DYRK1A: variants seen among roughly 807,000 people sequenced by gnomAD.
DYRK1A encodes dual specificity tyrosine phosphorylation regulated kinase 1A.
A neutral mutation model predicts 79.7 loss-of-function variants in DYRK1A; 9 were observed. The observed-to-expected ratio is 0.11, with a 90% CI of 0.07 to 0.20. DYRK1A has a LOEUF of 0.20. DYRK1A is among the 10% of genes least tolerant of loss of function. The pLI, the probability that DYRK1A is intolerant of heterozygous loss-of-function variation, is 1.00. For missense variants in DYRK1A, 622 were observed against 956.0 expected (o/e 0.65, Z 4.61); for synonymous variants, 349 against 329.7 (o/e 1.06, Z -0.63).
At chr21:37,489,000 G>C in intron 6 of DYRK1A, 1 of 330,430 alleles carries the variant, frequency 3.0e-6, no homozygotes, top group Non-Finnish European at 4.3e-6. Flanking sequence ...CTCCTATATA[G>C]CCATGTAGTT....
intron 2 of DYRK1A, among the ~76,000 whole-genome samples, chr21:37,469,711 C>CT (rs1490557438): frequency 1.3e-5 from 2 of 152,154 alleles, no homozygotes; most frequent in Non-Finnish European, 2.9e-5. Context: ...CGTGAGAACT[C>CT]TTATCACGAG....
intron 1 of DYRK1A, chr21:37,418,812 G>A (rs140435739): frequency 2.0e-4 from 30 of 152,272 alleles, no homozygotes; most frequent in African/African-American, 5.3e-4. Flanking sequence ...AGTGTTTAAT[G>A]TAATACCGTA....
chr21:37,450,659 G>A (rs944233090), intron 2 of DYRK1A, among the ~76,000 whole-genome samples: 4 of 152,330 alleles, frequency 2.6e-5, no homozygotes, highest in Non-Finnish European at 4.4e-5. Flanking sequence ...GGGTTTAGGA[G>A]CTCGTGAGAG....
chr21:37,365,920 C>A (rs1054196505), upstream of DYRK1A: 1 of 152,178 alleles, frequency 6.6e-6, no homozygotes, highest in Non-Finnish European at 1.5e-5. Context: ...AGCCTAATTT[C>A]CCAACGCTGG....
intron 1 of DYRK1A, among the ~76,000 whole-genome samples, chr21:37,385,436 C>T (rs1243614274): frequency 6.6e-6 from 1 of 152,200 alleles, no homozygotes; most frequent in African/African-American, 2.4e-5. Flanking sequence ...CAAACATTTG[C>T]CATCAGTTTC....
At chr21:37,385,092 C>A (rs1329337348) in intron 1 of DYRK1A, among the ~76,000 whole-genome samples, 1 of 151,950 alleles carries the variant, frequency 6.6e-6, no homozygotes, top group Admixed American at 6.5e-5. Flanking sequence ...ATATATACAT[C>A]TACATGAAGT....
intron 2 of DYRK1A, among the ~76,000 whole-genome samples, chr21:37,466,638 A>G (rs993756002): frequency 1.3e-5 from 2 of 152,318 alleles, no homozygotes; most frequent in Admixed American, 6.5e-5. Flanking sequence ...AGATAAAGCA[A>G]AAAGCTTTAC....
rs1327559579 is a variant in DYRK1A, at chr21:37,524,266, CA to C, written c.*11740del. On this transcript the variant is annotated 3_prime_UTR_variant, in exon 12 of 12. Coordinates refer to ENST00000647188, the MANE Select transcript of DYRK1A (RefSeq NM_001347721.2). ...GGTATAGTGAGACCCCCCATCTCCA[CA>C]AAAAGTAAAAAAAAACCAAAATACA... The C allele has an allele frequency of 7.0e-6, 1 of 142,016 alleles. No homozygotes were observed. The highest frequency in any genetic ancestry group is 6.9e-5 in the Admixed American group (1 of 14,450). The allele number at this position is 142,016 out of a possible 1,614,324, so 8.8% of individuals were successfully genotyped here.
intron 7 of DYRK1A, among the ~76,000 whole-genome samples, chr21:37,490,868 G>A (rs529629401): frequency 2.6e-5 from 4 of 152,050 alleles, no homozygotes; most frequent in South Asian, 4.2e-4. Context: ...AATATTAGGG[G>A]ATTTGTAACT....
chr21:37,429,208 T>G lies in DYRK1A; in HGVS notation c.10+8824T>G, dbSNP rs543776607. ...TTGTTAACGCAAATCCAGGTCTGCTTTGTAGAAGGTTACCAAAGCTTAAAA... is the reference window on the plus strand; with the variant it reads ...TTGTTAACGCAAATCCAGGTCTGCTGTGTAGAAGGTTACCAAAGCTTAAAA... On this transcript the variant is annotated intron_variant, in intron 2 of 11. Transcript: ENST00000647188. Among the ~76,000 whole-genome samples, 4 of 152,322 alleles carry G rather than the reference T, an allele frequency of 2.6e-5. No homozygotes were observed. In the East Asian group the frequency reaches 7.7e-4, roughly 29 times the overall value.
chr21:37,376,345 C>T (rs1025301835), intron 1 of DYRK1A, among the ~76,000 whole-genome samples: 2 of 152,134 alleles, frequency 1.3e-5, no homozygotes, highest in Non-Finnish European at 2.9e-5. Flanking sequence ...CCCATCTCTA[C>T]TACAGATACA....
intron 6 of DYRK1A, among the ~76,000 whole-genome samples, chr21:37,489,968 T>C (rs1320769957): frequency 3.3e-5 from 5 of 152,148 alleles, no homozygotes; most frequent in Admixed American, 2.6e-4. Context: ...TACCGACATA[T>C]GCTGTACCTG....
intron 2 of DYRK1A, among the ~76,000 whole-genome samples, chr21:37,452,592 A>G (rs1258096998): frequency 6.6e-6 from 1 of 152,046 alleles, no homozygotes; most frequent in Non-Finnish European, 1.5e-5. Context: ...GCCACTGCCA[A>G]TCTATTTGAG....
intron 8 of DYRK1A, among the ~76,000 whole-genome samples, chr21:37,495,004 A>T (rs936726405): frequency 2.0e-5 from 3 of 151,712 alleles, no homozygotes; most frequent in Non-Finnish European, 4.4e-5. Flanking sequence ...TCCCACTATA[A>T]CATAAACTTC....
chr21:37,488,785 A>G (rs968087018), intron 6 of DYRK1A: 1 of 985,304 alleles, frequency 1.0e-6, no homozygotes, highest in Non-Finnish European at 1.2e-6. Flanking sequence ...GAATTCTGAC[A>G]GCAGTTACTT....
Position 37,367,173 on chromosome 21 carries a change from G to A in DYRK1A, c.-532G>A. 1 of 152,034 alleles carries A rather than the reference G, an allele frequency of 6.6e-6. No individual in the cohort carries two copies. The highest frequency in any genetic ancestry group is 1.5e-5 in the Non-Finnish European group (1 of 67,952). The allele number at this position is 152,034 out of a possible 1,614,324, so 9.4% of individuals were successfully genotyped here. On this transcript the variant is annotated 5_prime_UTR_variant, in exon 1 of 12. Transcript: ENST00000647188. ...TCTGTCTGTGCGGGGACTCGGGGGCGGGCGGTTCGGGCTCTCCTGGCGGAG... is the reference window on the plus strand; with the variant it reads ...TCTGTCTGTGCGGGGACTCGGGGGCAGGCGGTTCGGGCTCTCCTGGCGGAG...
intron 5 of DYRK1A, among the ~76,000 whole-genome samples, chr21:37,482,862 C>T (rs920084477): frequency 7.0e-4 from 106 of 152,284 alleles, no homozygotes; most frequent in African/African-American, 2.2e-3. Context: ...ATATTTCTCC[C>T]ATTTGCTTTT....
chr21:37,461,709 C>A (rs971963018), intron 2 of DYRK1A, among the ~76,000 whole-genome samples: 1 of 152,044 alleles, frequency 6.6e-6, no homozygotes, highest in Non-Finnish European at 1.5e-5. Context: ...TTTCTTCTGG[C>A]GGTGCACATG....
Position 37,438,486 on chromosome 21 carries a change from A to G in DYRK1A, c.10+18102A>G, listed in dbSNP as rs553067286. On this transcript the variant is annotated intron_variant, in intron 2 of 11. Transcript: ENST00000647188. ...TTAAGTCTGTGGTCCATTTGGAGTT[A>G]ATGTTTGTTAATAGTGTGCTGCAAA... Among the ~76,000 whole-genome samples, 10 of 152,252 alleles carry G rather than the reference A, an allele frequency of 6.6e-5. No individual in the cohort carries two copies. The East Asian group carries it at 1.9e-3, about 29-fold the overall frequency.
Sources: allele counts gnomAD v4.1 joint callset (sites outside exome capture counted in the v4.1 genomes callset), GRCh38; gene constraint gnomAD v4.1.1; transcripts MANE v1.5; gene names NCBI Gene and HGNC (gene_info 2026-07-23, HGNC 2026-07-21).